The following UBE2E1 variants were observed in gnomAD, a reference collection of about 807,000 sequenced individuals.
The protein encoded by UBE2E1 is ubiquitin-conjugating enzyme E2 E1.
Under a neutral mutation model 21.4 loss-of-function variants are expected in UBE2E1, and 6 were observed. The ratio of observed to expected loss-of-function variants is 0.28; its 90% CI spans 0.15 to 0.55. The LOEUF is 0.55. UBE2E1 is among the 20% of genes least tolerant of loss of function. The pLI, the probability that UBE2E1 is intolerant of heterozygous loss-of-function variation, is 0.93. For synonymous variants in UBE2E1, 87 were observed against 82.7 expected (o/e 1.05, Z -0.28); for missense variants, 142 against 236.5 (o/e 0.60, Z 2.62).
chr3:23,852,329 T>G (rs567428821), intron 3 of UBE2E1, among the ~76,000 whole-genome samples: 3 of 152,364 alleles, frequency 2.0e-5, no homozygotes, highest in East Asian at 1.9e-4. Flanking sequence ...TGTACATATT[T>G]TATGCTTATG....
intron 3 of UBE2E1, among the ~76,000 whole-genome samples, chr3:23,849,833 T>A (rs1440607045): frequency 1.3e-5 from 2 of 152,180 alleles, no homozygotes; most frequent in Non-Finnish European, 2.9e-5. Flanking sequence ...TGCAGTGTCT[T>A]TATAGTAGAA....
intron 3 of UBE2E1, among the ~76,000 whole-genome samples, chr3:23,840,808 GA>G (rs939681129): frequency 4.6e-5 from 7 of 152,156 alleles, no homozygotes; most frequent in African/African-American, 1.7e-4. Context: ...TGGTACTTGT[GA>G]ACTCTGACCA....
chr3:23,822,607 A>G (rs1282554251), intron 3 of UBE2E1, among the ~76,000 whole-genome samples: 2 of 152,206 alleles, frequency 1.3e-5, no homozygotes, highest in Non-Finnish European at 2.9e-5. Context: ...TTACATCTTG[A>G]TGAATCTCTT....
In UBE2E1 at chr3:23,870,991, G is replaced by A. The variant is rs1700771990; in HGVS notation, c.204-16576G>A. On this transcript the variant is annotated intron_variant, in intron 3 of 5. Transcript: ENST00000306627. The surrounding 1 kb of genome is among the most constrained non-coding windows in gnomAD (Gnocchi z 4.2). ...ACATGTTTCAGAGGGCACAGGGTTG[G>A]GGGTAAGGTCACAGATCAACAGGAT... is the stretch of plus-strand genomic sequence containing the variant. Among the ~76,000 whole-genome samples the A allele has an allele frequency of 2.0e-5, 3 of 152,296 alleles. No individual in the cohort carries two copies. In the South Asian group the frequency reaches 6.2e-4, roughly 32 times the overall value.
intron 3 of UBE2E1, among the ~76,000 whole-genome samples, chr3:23,813,521 A>G (rs1254796225): frequency 6.6e-6 from 1 of 151,902 alleles, no homozygotes; most frequent in Non-Finnish European, 1.5e-5. Context: ...TTGGAGATAA[A>G]GATGGATTAT....
chr3:23,855,050 T>G (rs1183162888), intron 3 of UBE2E1, among the ~76,000 whole-genome samples: 2 of 152,206 alleles, frequency 1.3e-5, no homozygotes, highest in Admixed American at 1.3e-4. Flanking sequence ...AAATGAGAAA[T>G]GTTTTTCAAC....
chr3:23,826,178 A>G lies in UBE2E1; in HGVS notation c.203+14668A>G, dbSNP rs544701585. On this transcript the variant is annotated intron_variant, in intron 3 of 5. Transcript: ENST00000306627. ...CTGACCTTTATGTAACAGTTCTATT[A>G]TATCTAGATATCTGTGTATCTAACA... Among the ~76,000 whole-genome samples, 73 of 152,346 alleles carry G rather than the reference A, an allele frequency of 4.8e-4. 1 individual carries two copies. The South Asian group carries it at 0.012, about 26-fold the overall frequency.
At chr3:23,855,546 T>C (rs1466701896) in intron 3 of UBE2E1, among the ~76,000 whole-genome samples, 1 of 152,128 alleles carries the variant, frequency 6.6e-6, no homozygotes, top group Non-Finnish European at 1.5e-5. Flanking sequence ...AATAGTGCTT[T>C]AGGCCGGGCG....
In UBE2E1 at chr3:23,816,512, G is replaced by A. The variant is rs1160490061; in HGVS notation, c.203+5002G>A. Among the ~76,000 whole-genome samples, 1 of 151,988 alleles carries A rather than the reference G, an allele frequency of 6.6e-6. No homozygotes were observed. Among genetic ancestry groups the A allele is most frequent in the African/African-American group, 2.4e-5 (1 of 41,366 alleles). ...ACGAGGTCAGGAGATCGACACCATC[G>A]TGGCGAACACAGTGAAACCCCGTCT... is the stretch of plus-strand genomic sequence containing the variant. On this transcript the variant is annotated intron_variant, in intron 3 of 5. Coordinates refer to ENST00000306627, the MANE Select transcript of UBE2E1 (RefSeq NM_003341.5). The surrounding 1 kb of genome is among the most constrained non-coding windows in gnomAD (Gnocchi z 4.8).
At chr3:23,889,573 C>A (rs1458018988) in intron 5 of UBE2E1, 5 of 1,365,060 alleles carry the variant, frequency 3.7e-6, no homozygotes, top group Non-Finnish European at 4.7e-6. Context: ...TCTTATAAAA[C>A]AAATCAGACA....
intron 3 of UBE2E1, among the ~76,000 whole-genome samples, chr3:23,885,679 G>A (rs1267456305): frequency 1.3e-5 from 2 of 150,700 alleles, no homozygotes; most frequent in South Asian, 2.1e-4. Context: ...TGACCAACAT[G>A]GTGAAACCCC....
intron 5 of UBE2E1, among the ~76,000 whole-genome samples, chr3:23,890,119 C>T (rs954778553): frequency 2.0e-5 from 3 of 152,082 alleles, no homozygotes; most frequent in Non-Finnish European, 2.9e-5. Context: ...TTCACAATGC[C>T]GTTAACTGGT....
In UBE2E1 at chr3:23,808,321, A is replaced by C. The variant is rs1699319870; in HGVS notation, c.152+900A>C. ...TATCCTCTGATCGCCATGACCCTCA[A>C]AATCATCTTTAGTGGATTCCTAGGA... is the stretch of plus-strand genomic sequence containing the variant. On this transcript the variant is annotated intron_variant, in intron 2 of 5. Transcript: ENST00000306627. This position sits in a 1 kb window ranked among gnomAD's most constrained non-coding sequence, Gnocchi z 4.9. Among the ~76,000 whole-genome samples, 1 of 152,092 alleles carries C rather than the reference A, an allele frequency of 6.6e-6. No homozygotes were observed. Among genetic ancestry groups the C allele is most frequent in the African/African-American group, 2.4e-5 (1 of 41,400 alleles).
At position 23,806,477 on chromosome 3, in the gene UBE2E1, G is replaced by C. The variant is rs571835829; in HGVS notation, c.-34+389G>C. 1.3e-5 allele frequency among the ~76,000 whole-genome samples: 2 copies of C among 151,782 alleles called. No homozygotes were observed. Among genetic ancestry groups the C allele is most frequent in the African/African-American group, 4.8e-5 (2 of 41,374 alleles). On this transcript the variant is annotated intron_variant, in intron 1 of 5. Coordinates refer to ENST00000306627, the MANE Select transcript of UBE2E1 (RefSeq NM_003341.5). The surrounding 1 kb of genome is among the most constrained non-coding windows in gnomAD (Gnocchi z 6.5). Reference sequence around the variant, plus strand: ...GGATTAACCCCTCCGGGGCGGAAGGGCTCATTGTTATGTCTTCGCTGCGGA... The same window carrying C: ...GGATTAACCCCTCCGGGGCGGAAGGCCTCATTGTTATGTCTTCGCTGCGGA...
intron 3 of UBE2E1, among the ~76,000 whole-genome samples, chr3:23,820,863 G>T (rs934367269): frequency 4.6e-5 from 7 of 152,196 alleles, no homozygotes; most frequent in African/African-American, 1.7e-4. Flanking sequence ...TGGAAAATTG[G>T]TGTGGGATGG....
intron 3 of UBE2E1, among the ~76,000 whole-genome samples, chr3:23,843,234 A>C (rs1700131648): frequency 6.6e-6 from 1 of 152,166 alleles, no homozygotes; most frequent in Non-Finnish European, 1.5e-5. Flanking sequence ...ACCTGGACTT[A>C]GTTTGTATAA....
chr3:23,851,939 C>T (rs1461542010), intron 3 of UBE2E1, among the ~76,000 whole-genome samples: 1 of 152,198 alleles, frequency 6.6e-6, no homozygotes, highest in Non-Finnish European at 1.5e-5. Context: ...TCATGTATGG[C>T]TTGGTGCTGC....
intron 3 of UBE2E1, among the ~76,000 whole-genome samples, chr3:23,871,533 G>A (rs1443032139): frequency 4.7e-5 from 7 of 148,518 alleles, no homozygotes; most frequent in Non-Finnish European, 1.0e-4. Context: ...CCTCCCTCTC[G>A]GACGGGGTGG....
At chr3:23,830,637 TTC>T (rs1290311060) in intron 3 of UBE2E1, among the ~76,000 whole-genome samples, 6 of 152,200 alleles carry the variant, frequency 3.9e-5, no homozygotes, top group African/African-American at 1.4e-4. Context: ...CCACTGCTTT[TTC>T]TCTCTTCCTT....
Sources: gnomAD v4.1 joint callset for allele counts (sites outside exome capture counted in the v4.1 genomes callset) on GRCh38, gnomAD v4.1.1 for gene constraint, Gnocchi (gnomAD v3.1) non-coding constraint, MANE v1.5 for transcripts, NCBI Gene and HGNC (gene_info 2026-07-23, HGNC 2026-07-21) for gene names.